Variants in KIF1B observed in about 807,000 individuals in gnomAD.
KIF1B encodes the protein kinesin family member 1B.
In KIF1B, 76 loss-of-function variants were observed where a neutral mutation model predicts 241.9. The observed-to-expected ratio is 0.31, with a 90% confidence interval of 0.26 to 0.38. KIF1B has a LOEUF of 0.38. Ranked by LOEUF, KIF1B falls within the 10% of genes least tolerant of loss-of-function variation. The pLI is 1.00. For missense variants in KIF1B, 1,622 were observed against 2,271.4 expected (o/e 0.71, Z 5.81); for synonymous variants, 750 against 796.7 (o/e 0.94, Z 0.99).
chr1:10,325,975 T>C (rs1651706848), intron 26 of KIF1B, 136 bp from the exon 27 acceptor site: 2 of 1,180,120 alleles, frequency 1.7e-6, no homozygotes, highest in African/African-American at 1.5e-5. Flanking sequence ...GCTTATTTTA[T>C]CCTTTTGCTT....
At position 10,361,962 on chromosome 1, in the gene KIF1B, G is replaced by A. The variant is rs1638436162; in HGVS notation, c.4304+137G>A. On this transcript the variant is annotated intron_variant, in intron 40 of 48. Coordinates refer to ENST00000676179, the MANE Select transcript of KIF1B (RefSeq NM_001365951.3). ...CATTTTGGTAACTGACACCTGGAAT[G>A]TACTGACTTGCATGCTGACATTTAA... 8.1e-5 allele frequency: 76 copies of A among 933,282 alleles called. 1 individual carries two copies. The South Asian group carries it at 1.0e-3, about 12-fold the overall frequency. 57.8% of individuals were successfully genotyped at this position (933,282 alleles called of 1,614,324 possible).
chr1:10,240,025 C>T (rs569293978), intron 2 of KIF1B, among the ~76,000 whole-genome samples: 10 of 152,192 alleles, frequency 6.6e-5, no homozygotes, highest in African/African-American at 9.6e-5. Flanking sequence ...CTCGGCCTCC[C>T]AAAGTGTTGG....
intron 38 of KIF1B, among the ~76,000 whole-genome samples, chr1:10,360,546 G>A (rs868791323): frequency 9.9e-5 from 15 of 152,028 alleles, no homozygotes; most frequent in Middle Eastern, 3.4e-3. Context: ...TTAGCCAGGC[G>A]TGGTGGCGGG....
chr1:10,359,390 T>A (rs184171259), intron 38 of KIF1B, among the ~76,000 whole-genome samples: 133 of 152,266 alleles, frequency 8.7e-4, no homozygotes, highest in Non-Finnish European at 1.3e-3. Context: ...CCACTTGTCA[T>A]AGGGGTCTGA....
At chr1:10,358,683 C>CAAA (rs767246662) in intron 38 of KIF1B, among the ~76,000 whole-genome samples, 2 of 79,290 alleles carry the variant, frequency 2.5e-5, no homozygotes, top group Non-Finnish European at 2.9e-5. Flanking sequence ...GACTCTGTCT[C>CAAA]AAAAAAAAAA....
chr1:10,321,994 CTT>C, intron 24 of KIF1B, 137 bp downstream of exon 24: 1 of 839,494 alleles, frequency 1.2e-6, no homozygotes, highest in South Asian at 1.6e-5. Flanking sequence ...TTATATATGT[CTT>C]TATTTAATAT....
At chr1:10,333,716 A>G (rs961907083) in intron 27 of KIF1B, among the ~76,000 whole-genome samples, 2 of 152,126 alleles carry the variant, frequency 1.3e-5, no homozygotes, top group Admixed American at 6.6e-5. Flanking sequence ...AGCAACCAAT[A>G]AAGACCATAT....
chr1:10,278,133 G>A lies in KIF1B; in HGVS notation c.1180+5G>A. 1 of 1,613,634 alleles carries A rather than the reference G, an allele frequency of 6.2e-7. No individual in the cohort carries two copies. The highest frequency in any genetic ancestry group is 8.5e-7 in the Non-Finnish European group (1 of 1,179,592). On this transcript the variant is annotated splice_donor_5th_base_variant and intron_variant, in intron 13 of 48. Coordinates refer to ENST00000676179, the MANE Select transcript of KIF1B (RefSeq NM_001365951.3). ...GCCTGGGAGATATTATTGATAGTAA[G>A]TGAATTAAGGATCGTTACAAAATCT...
At chr1:10,285,720 G>C (rs928907515) in intron 15 of KIF1B, among the ~76,000 whole-genome samples, 1 of 152,048 alleles carries the variant, frequency 6.6e-6, no homozygotes, top group African/African-American at 2.4e-5. Flanking sequence ...AATTTCTTTC[G>C]GGCAGACCTG....
intron 22 of KIF1B, chr1:10,305,384 A>G: frequency 9.5e-7 from 1 of 1,053,192 alleles, no homozygotes; most frequent in Non-Finnish European, 1.1e-6. Context: ...TGTGGTTTGC[A>G]TTTTGAAGTT....
chr1:10,260,880 AAG>A (rs1491257591), intron 4 of KIF1B, among the ~76,000 whole-genome samples: 1 of 151,852 alleles, frequency 6.6e-6, no homozygotes, highest in Non-Finnish European at 1.5e-5. Flanking sequence ...AAAAAAAAAA[AAG>A]AAACCACACA....
chr1:10,371,592 T>C (rs1430018923), intron 45 of KIF1B, among the ~76,000 whole-genome samples: 4 of 152,186 alleles, frequency 2.6e-5, no homozygotes, highest in African/African-American at 9.7e-5. Flanking sequence ...GGGAAAAATA[T>C]TTTGAAACTG....
intron 43 of KIF1B, among the ~76,000 whole-genome samples, chr1:10,367,714 G>GT (rs1006657272): frequency 8.0e-5 from 12 of 149,178 alleles, no homozygotes; most frequent in African/African-American, 2.2e-4. Flanking sequence ...TTTTGTAGGT[G>GT]TTTTTTTTGT....
chr1:10,269,061 T>C (rs183501128), intron 7 of KIF1B, among the ~76,000 whole-genome samples: 2 of 152,336 alleles, frequency 1.3e-5, no homozygotes, highest in African/African-American at 4.8e-5. Flanking sequence ...CTAAGAAGGA[T>C]GCACCTGGAT....
At chr1:10,256,698 A>G (rs1255857690) in intron 3 of KIF1B, among the ~76,000 whole-genome samples, 1 of 149,150 alleles carries the variant, frequency 6.7e-6, no homozygotes, top group Non-Finnish European at 1.5e-5. Flanking sequence ...CCAAATAATA[A>G]TAATAATTAT....
intron 4 of KIF1B, 28 bp downstream of exon 4, chr1:10,258,700 T>C (rs764241800): frequency 6.2e-7 from 1 of 1,607,728 alleles, no homozygotes; most frequent in Non-Finnish European, 8.5e-7. Flanking sequence ...ACAAAAATCT[T>C]CTCTTCATTA....
Position 10,333,191 on chromosome 1 carries a change from C to T in KIF1B, c.2925-1329C>T, listed in dbSNP as rs184964693. 5.9e-3 allele frequency among the ~76,000 whole-genome samples: 743 copies of T among 125,280 alleles called. 7 individuals are homozygous for T. Among genetic ancestry groups the T allele is most frequent in the African/African-American group, 0.019 (643 of 33,312 alleles). The allele number at this position is 125,280 out of a possible 152,430, so 82.2% of individuals were successfully genotyped here. On this transcript the variant is annotated intron_variant, in intron 27 of 48. Transcript: ENST00000676179. ...CTGTAATCCCAGCACTTTGGGAGGC[C>T]GAGGCGGGCAGATCACCTGAGGTCA...
chr1:10,367,499 C>G (rs1638608421), intron 43 of KIF1B, among the ~76,000 whole-genome samples: 1 of 151,470 alleles, frequency 6.6e-6, no homozygotes, highest in Non-Finnish European at 1.5e-5. Context: ...GTCAAGAGAT[C>G]ACTATGATGT....
intron 43 of KIF1B, among the ~76,000 whole-genome samples, chr1:10,367,964 T>TG (rs1043220828): frequency 6.6e-6 from 1 of 152,030 alleles, no homozygotes; most frequent in African/African-American, 2.4e-5. Context: ...CCTGACCTCG[T>TG]GATCCACCTG....
Sources: allele counts gnomAD v4.1 joint callset (sites outside exome capture counted in the v4.1 genomes callset), GRCh38; gene constraint gnomAD v4.1.1; transcripts MANE v1.5; gene names NCBI Gene and HGNC (gene_info 2026-07-23, HGNC 2026-07-21).